ALS2: variants seen among roughly 807,000 people sequenced by gnomAD.
The protein encoded by ALS2 is alsin.
A neutral mutation model predicts 203.4 loss-of-function variants in ALS2; 117 were observed. The observed-to-expected ratio is 0.58, with a 90% CI of 0.50 to 0.67. ALS2 has a LOEUF of 0.67. Ranked by LOEUF, ALS2 falls within the 30% of genes least tolerant of loss-of-function variation. The pLI, the probability that ALS2 is intolerant of heterozygous loss-of-function variation, is 0.00. For missense variants in ALS2, 1,715 were observed against 1,989.4 expected (o/e 0.86, Z 2.62); for synonymous variants, 718 against 725.9 (o/e 0.99, Z 0.17).
chr2:201,715,636 C>T (rs1690330234), intron 25 of ALS2, 36 bp downstream of exon 25: 2 of 1,611,644 alleles, frequency 1.2e-6, no homozygotes, highest in South Asian at 2.2e-5. Flanking sequence ...ATCTTCCTAA[C>T]ATGCTCTGCT....
Position 201,741,654 on chromosome 2 carries a change from A to C in ALS2, c.2351+20T>G. 6.2e-7 allele frequency: 1 copy of C among 1,612,406 alleles called. No homozygotes were observed. On this transcript the variant is annotated intron_variant, in intron 11 of 33. Coordinates refer to ENST00000264276, the MANE Select transcript of ALS2 (RefSeq NM_020919.4). Reference sequence around the variant, plus strand: ...AATAACCCTGCAGAGATTGAACATGACACGGGACTGGATACTTGCTCTGTA... The same window carrying C: ...AATAACCCTGCAGAGATTGAACATGCCACGGGACTGGATACTTGCTCTGTA...
At position 201,757,593 on chromosome 2, in the gene ALS2, G is replaced by T. The variant is rs1416321456; in HGVS notation, c.1280C>A (p.Thr427Lys). The T allele has an allele frequency of 6.2e-7, 1 of 1,614,156 alleles. No individual in the cohort carries two copies. The highest frequency in any genetic ancestry group is 8.5e-7 in the Non-Finnish European group (1 of 1,180,024). ...SLKKVMNFYS[T>K]TPCETGAQAG... ...CTGAGCTCCAGTTTCACAAGGGGTT[G>T]TACTATAAAAGTTCATAACTTTCTT... The change falls in exon 5 of 34, where the codon ACA (threonine) becomes AAA (lysine). Residue 427 changes from threonine to lysine, a missense_variant. This residue lies in a region of ALS2 where 476 missense variants were observed against 539.3 expected (regional missense o/e 0.88). Coordinates refer to ENST00000264276, the MANE Select transcript of ALS2 (RefSeq NM_020919.4).
At chr2:201,717,211 T>A (rs1690460305) in intron 24 of ALS2, among the ~76,000 whole-genome samples, 1 of 152,092 alleles carries the variant, frequency 6.6e-6, no homozygotes, top group Non-Finnish European at 1.5e-5. Flanking sequence ...ACACCTGTAA[T>A]CCCAGCACTT....
At position 201,701,058 on chromosome 2, in the gene ALS2, T is replaced by C. The variant is rs951733482; in HGVS notation, c.*793A>G. ...TTCCTCAGGCTGCCATTCACAGGCCTTGGAATACAGCGTTTGCACATGGAC... is the reference window on the plus strand; with the variant it reads ...TTCCTCAGGCTGCCATTCACAGGCCCTGGAATACAGCGTTTGCACATGGAC... On this transcript the variant is annotated 3_prime_UTR_variant, in exon 34 of 34. Coordinates refer to ENST00000264276, the MANE Select transcript of ALS2 (RefSeq NM_020919.4). 2.6e-5 allele frequency: 4 copies of C among 152,740 alleles called. No individual in the cohort carries two copies. The highest frequency in any genetic ancestry group is 9.6e-5 in the African/African-American group (4 of 41,568). 9.5% of individuals were successfully genotyped at this position (152,740 alleles called of 1,614,324 possible). A position where few individuals can be genotyped will look rare whatever the true frequency, so the allele number is the denominator to read the frequency against.
At chr2:201,755,300 T>C (rs149755044) in intron 5 of ALS2, among the ~76,000 whole-genome samples, 1 of 152,234 alleles carries the variant, frequency 6.6e-6, no homozygotes, top group African/African-American at 2.4e-5. Context: ...TTCGCTCTTG[T>C]CATCCAGGCT....
chr2:201,737,661 C>T (rs1333018645), intron 12 of ALS2, among the ~76,000 whole-genome samples: 1 of 152,112 alleles, frequency 6.6e-6, no homozygotes, highest in Admixed American at 6.6e-5. Context: ...GTGGCTCACG[C>T]CTGTAATCCC....
chr2:201,744,561 T>A, intron 9 of ALS2, 132 bp from the exon 10 acceptor site: 2 of 962,266 alleles, frequency 2.1e-6, no homozygotes, highest in East Asian at 2.6e-5. Context: ...AGCAAGTAAT[T>A]AAACCATTGG....
At chr2:201,727,508 G>C (rs1691259745) in intron 16 of ALS2, among the ~76,000 whole-genome samples, 197 bp downstream of exon 16, 1 of 152,148 alleles carries the variant, frequency 6.6e-6, no homozygotes, top group Admixed American at 6.5e-5. Flanking sequence ...ACCTAATCGT[G>C]ACTTGCCATG....
chr2:201,723,003 AATTT>A (rs1402128180), intron 23 of ALS2, 36 bp downstream of exon 23: 27 of 1,467,742 alleles, frequency 1.8e-5, no homozygotes, highest in Non-Finnish European at 2.5e-5. Context: ...TTAGTAAAAG[AATTT>A]ATTAGGGAGA....
intron 19 of ALS2, among the ~76,000 whole-genome samples, chr2:201,726,103 T>C (rs937333929): frequency 1.3e-5 from 2 of 152,190 alleles, no homozygotes; most frequent in African/African-American, 4.8e-5. Context: ...AAATTAAAGA[T>C]GACTTAAAAC....
At chr2:201,730,964 T>C (rs1691515496) in intron 13 of ALS2, among the ~76,000 whole-genome samples, 1 of 152,334 alleles carries the variant, frequency 6.6e-6, no homozygotes, top group South Asian at 2.1e-4. Context: ...AGTATTGTCA[T>C]GAAAATAGTT....
At position 201,772,850 on chromosome 2, in the gene ALS2, A is replaced by ATTTTTTTTTTTTTT. The variant is rs578253808; in HGVS notation, c.-60-3919_-60-3906dup. Among the ~76,000 whole-genome samples, 3 of 108,846 alleles carry ATTTTTTTTTTTTTT rather than the reference A, an allele frequency of 2.8e-5. 1 individual carries two copies. Among genetic ancestry groups the ATTTTTTTTTTTTTT allele is most frequent in the Non-Finnish European group, 1.7e-5 (1 of 57,164 alleles). 71.4% of individuals were successfully genotyped at this position (108,846 alleles called of 152,430 possible). On this transcript the variant is annotated intron_variant, in intron 1 of 33. Coordinates refer to ENST00000264276, the MANE Select transcript of ALS2 (RefSeq NM_020919.4). ...GGGACAGTCTATGGATGCTTTCATG[A>ATTTTTTTTTTTTTT]TTTTTTTTTTTTTTTTTTTTTTCAT... is the stretch of plus-strand genomic sequence containing the variant.
intron 12 of ALS2, among the ~76,000 whole-genome samples, chr2:201,738,310 T>C (rs1692014821): frequency 6.6e-6 from 1 of 152,222 alleles, no homozygotes; most frequent in African/African-American, 2.4e-5. Context: ...AAACACTTTT[T>C]TCTGTGCATC....
At chr2:201,727,057 AC>A (rs1214959042) in intron 17 of ALS2, among the ~76,000 whole-genome samples, 154 bp downstream of exon 17, 1 of 151,874 alleles carries the variant, frequency 6.6e-6, no homozygotes, top group Admixed American at 6.6e-5. Context: ...AAAAAAAAAA[AC>A]AATGAAGAAC....
chr2:201,744,191 T>C (rs1692476424), intron 10 of ALS2, 67 bp downstream of exon 10: 9 of 1,515,504 alleles, frequency 5.9e-6, no homozygotes, highest in Non-Finnish European at 8.2e-6. Context: ...TTTCATTATT[T>C]GTGACATAGG....
intron 5 of ALS2, 74 bp from the exon 6 acceptor site, chr2:201,754,745 T>G (rs1693280959): frequency 6.5e-7 from 1 of 1,531,582 alleles, no homozygotes; most frequent in Non-Finnish European, 9.0e-7. Context: ...TGGACAAACT[T>G]AAGATTTTCA....
At chr2:201,723,844 C>T (rs760790627) in intron 21 of ALS2, among the ~76,000 whole-genome samples, 28 of 152,320 alleles carry the variant, frequency 1.8e-4, no homozygotes, top group South Asian at 4.1e-4. Context: ...AGGCTGGATT[C>T]GGTGGCTCAT....
chr2:201,711,063 C>T lies in ALS2; in HGVS notation c.4050G>A (p.Leu1350=). The T allele has an allele frequency of 6.2e-7, 1 of 1,612,128 alleles. No individual in the cohort carries two copies. The highest frequency in any genetic ancestry group is 8.5e-7 in the Non-Finnish European group (1 of 1,178,488). The part of the protein sequence containing the change: ...SRSQTQTLES[L]EFIPQHVGAF... ...CACCAACATGCTGTGGAATGAATTC[C>T]AAACTCTCTAGTGTCTGAGTCTGTG... Residue 1350 remains leucine (L), a synonymous_variant, in exon 26 of 34, where the codon TTG becomes TTA. Transcript: ENST00000264276.
At chr2:201,715,115 T>C (rs1574676377) in intron 25 of ALS2, among the ~76,000 whole-genome samples, 2 of 152,150 alleles carry the variant, frequency 1.3e-5, no homozygotes, top group South Asian at 4.1e-4. Context: ...GTTTTGACTT[T>C]TGCAAGTTTC....
Sources: allele counts gnomAD v4.1 joint callset (sites outside exome capture counted in the v4.1 genomes callset), GRCh38; gene constraint gnomAD v4.1.1; regional missense constraint gnomAD v4.1.1; transcripts MANE v1.5; gene names NCBI Gene and HGNC (gene_info 2026-07-23, HGNC 2026-07-21).